Variants in SLCO1A2 observed in about 807,000 individuals in gnomAD.
SLCO1A2 encodes the protein OATP-1.
SLCO1A2 carries 67 observed loss-of-function variants against 69.0 expected under a neutral mutation model. The ratio of observed to expected loss-of-function variants is 0.97; its 90% CI spans 0.80 to 1.19. SLCO1A2 has a LOEUF of 1.19. Among genes scored for constraint, SLCO1A2 ranks in the 50% most tolerant of loss-of-function variants. SLCO1A2 has a pLI of 0.00. For missense variants in SLCO1A2, 787 were observed against 793.7 expected (o/e 0.99, Z 0.10); for synonymous variants, 260 against 265.9 (o/e 0.98, Z 0.22).
At position 21,340,550 on chromosome 12, in the gene SLCO1A2, G is replaced by A. The variant is rs192516488; in HGVS notation, c.-62-5841C>T. ...ATATTTAGCTCCATTAGCACAGCAC[G>A]CCTTTCCTCTCCATACCCCAGTCAC... is the stretch of plus-strand genomic sequence containing the variant. On this transcript the variant is annotated intron_variant, in intron 2 of 15. Transcript: ENST00000307378. Among the ~76,000 whole-genome samples, 472 of 152,084 alleles carry A rather than the reference G, an allele frequency of 3.1e-3. 3 individuals carry two copies. Among genetic ancestry groups the A allele is most frequent in the African/African-American group, 0.011 (445 of 41,530 alleles).
At chr12:21,368,463 C>G (rs1333447279) in intron 2 of SLCO1A2, among the ~76,000 whole-genome samples, 1 of 135,584 alleles carries the variant, frequency 7.4e-6, no homozygotes, top group Non-Finnish European at 1.6e-5. Flanking sequence ...TCCAACAAAC[C>G]AGTTAAATTT....
chr12:21,401,205 C>T (rs1941691826), intron 1 of SLCO1A2, among the ~76,000 whole-genome samples: 1 of 151,630 alleles, frequency 6.6e-6, no homozygotes, highest in South Asian at 2.1e-4. Flanking sequence ...TAGACAATTA[C>T]TAATACTTGT....
At chr12:21,396,057 A>C (rs554604707), upstream of SLCO1A2, among the ~76,000 whole-genome samples, 274 of 151,942 alleles carry the variant, frequency 1.8e-3, no homozygotes, top group African/African-American at 6.3e-3. Context: ...AGAAGGCTTC[A>C]GACGATCAAA....
At chr12:21,322,415 C>T (rs375199939) in intron 2 of SLCO1A2, among the ~76,000 whole-genome samples, 9 of 152,278 alleles carry the variant, frequency 5.9e-5, no homozygotes, top group African/African-American at 2.2e-4. Context: ...AGACATAATA[C>T]GTCAGTCAGT....
At chr12:21,311,101 C>T (rs1262369474) in intron 4 of SLCO1A2, among the ~76,000 whole-genome samples, 2 of 152,166 alleles carry the variant, frequency 1.3e-5, no homozygotes. Flanking sequence ...TTTGCTTGTC[C>T]ATAAACAGAA....
intron 2 of SLCO1A2, among the ~76,000 whole-genome samples, chr12:21,359,695 C>A (rs560965374): frequency 6.6e-6 from 1 of 151,144 alleles, no homozygotes; most frequent in South Asian, 2.1e-4. Context: ...TGCAGTGAGC[C>A]GAGATCGTGC....
At position 21,334,675 on chromosome 12, in the gene SLCO1A2, T is replaced by C. The variant is rs755743274; in HGVS notation, c.-28A>G. ...TGCTCTTCAGGGTGTTCCAAGCTAT[T>C]TATGTTTTAAATCTTGATATGTCTT... On this transcript the variant is annotated 5_prime_UTR_variant, in exon 2 of 15. Transcript: ENST00000683939. 3 of 1,592,744 alleles carry C rather than the reference T, an allele frequency of 1.9e-6. No individual in the cohort carries two copies. The highest frequency in any genetic ancestry group is 2.3e-5 in the South Asian group (2 of 88,400).
At chr12:21,350,958 G>A (rs1036169427) in intron 2 of SLCO1A2, among the ~76,000 whole-genome samples, 8 of 149,746 alleles carry the variant, frequency 5.3e-5, no homozygotes, top group East Asian at 2.0e-4. Context: ...CATATACTGC[G>A]TAACTTAAAA....
chr12:21,316,959 T>C (rs376245269), intron 3 of SLCO1A2, among the ~76,000 whole-genome samples: 3 of 152,220 alleles, frequency 2.0e-5, no homozygotes, highest in South Asian at 4.1e-4. Flanking sequence ...AATAATTACT[T>C]TAAAATTAGT....
chr12:21,394,504 C>T (rs995800081), intron 1 of SLCO1A2, among the ~76,000 whole-genome samples: 6 of 149,918 alleles, frequency 4.0e-5, no homozygotes, highest in African/African-American at 1.5e-4. Flanking sequence ...ATCGTACCAC[C>T]ACACTCCAGC....
rs1250381140 is a variant in SLCO1A2 at position 21,314,623 on chromosome 12, T to C, written c.261A>G (p.Ile87Met). 6.2e-6 allele frequency: 10 copies of C among 1,613,338 alleles called. No homozygotes were observed. In the South Asian group the frequency reaches 1.1e-4, roughly 18 times the overall value. The change falls in exon 4 of 15, where the codon ATA becomes ATG. Residue 87 changes from isoleucine (I) to methionine (M), a missense_variant. By Grantham distance (10) the Ile-to-Met change is conservative. Transcript: ENST00000683939. Reference sequence around the variant, plus strand: ...TAACCACACATCCAATGCCAATCATTATAGGTCTATGCAGTTTGGTTCCAA... The same window carrying C: ...TAACCACACATCCAATGCCAATCATCATAGGTCTATGCAGTTTGGTTCCAA... ...SYFGTKLHRPIMIGIGCVVMG... is the reference protein window; with the variant it reads ...SYFGTKLHRPMMIGIGCVVMG...
At chr12:21,301,664 A>G (rs1233050453) in intron 6 of SLCO1A2, among the ~76,000 whole-genome samples, 2 of 152,182 alleles carry the variant, frequency 1.3e-5, no homozygotes, top group East Asian at 3.8e-4. Flanking sequence ...TGGATTTCTC[A>G]TGGCACATTC....
chr12:21,375,029 G>T (rs1212504730), intron 1 of SLCO1A2, among the ~76,000 whole-genome samples: 1 of 151,998 alleles, frequency 6.6e-6, no homozygotes, highest in Non-Finnish European at 1.5e-5. Context: ...TGATGCCCAG[G>T]CTGGTGTCAA....
At chr12:21,313,616 G>A (rs1045193356) in intron 4 of SLCO1A2, among the ~76,000 whole-genome samples, 1 of 152,182 alleles carries the variant, frequency 6.6e-6, no homozygotes, top group Non-Finnish European at 1.5e-5. Context: ...GGAGGCTGAG[G>A]CAGGAGAATC....
chr12:21,329,004 C>T (rs543766004), intron 2 of SLCO1A2, among the ~76,000 whole-genome samples: 16 of 152,248 alleles, frequency 1.1e-4, no homozygotes, highest in South Asian at 1.0e-3. Context: ...CCAGAGTAAA[C>T]AGACCTTACA....
intron 12 of SLCO1A2, among the ~76,000 whole-genome samples, chr12:21,289,346 G>T (rs1008583583): frequency 2.0e-5 from 3 of 152,054 alleles, no homozygotes; most frequent in Non-Finnish European, 4.4e-5. Context: ...TTCTTAAGGA[G>T]ATTGTTTTGA....
At chr12:21,405,239 A>G (rs763629146) in intron 1 of SLCO1A2, among the ~76,000 whole-genome samples, 1 of 152,066 alleles carries the variant, frequency 6.6e-6, no homozygotes, top group Non-Finnish European at 1.5e-5. Flanking sequence ...ATTAGATCTC[A>G]TTTGTCAATT....
upstream of SLCO1A2, among the ~76,000 whole-genome samples, chr12:21,337,767 G>A (rs542205957): frequency 6.6e-6 from 1 of 151,886 alleles, no homozygotes; most frequent in Admixed American, 6.6e-5. Flanking sequence ...ATTTTCACCA[G>A]AAACTAAAGA....
At chr12:21,381,140 G>A (rs1304203620) in intron 1 of SLCO1A2, among the ~76,000 whole-genome samples, 1 of 151,790 alleles carries the variant, frequency 6.6e-6, no homozygotes, top group Non-Finnish European at 1.5e-5. Context: ...AAAAATAAAT[G>A]CAACAAAAAC....
Sources: gnomAD v4.1 joint callset for allele counts (sites outside exome capture counted in the v4.1 genomes callset) on GRCh38, gnomAD v4.1.1 for gene constraint, MANE v1.5 for transcripts, NCBI Gene and HGNC (gene_info 2026-07-23, HGNC 2026-07-21) for gene names.